The following DSCAM variants were observed in gnomAD, a reference collection of about 807,000 sequenced individuals.
DSCAM encodes the protein cell adhesion molecule DSCAM.
A neutral mutation model predicts 217.7 loss-of-function variants in DSCAM; 47 were observed. That is an observed-to-expected ratio of 0.22 (90% confidence interval 0.17 to 0.28). The LOEUF (loss-of-function observed/expected upper bound fraction) is 0.28. Ranked by LOEUF, DSCAM falls within the 10% of genes least tolerant of loss-of-function variation. The pLI is 1.00. For synonymous variants in DSCAM, 1,056 were observed against 1,015.3 expected (o/e 1.04, Z -0.76); for missense variants, 2,080 against 2,618.3 (o/e 0.79, Z 4.49).
intron 3 of DSCAM, among the ~76,000 whole-genome samples, chr21:40,379,181 G>A (rs989869248): frequency 9.2e-5 from 14 of 152,314 alleles, no homozygotes; most frequent in Admixed American, 8.5e-4. Context: ...GAAATCATGA[G>A]TGGATTAGAG....
intron 11 of DSCAM, among the ~76,000 whole-genome samples, chr21:40,218,601 T>C (rs2091264139): frequency 6.6e-6 from 1 of 152,152 alleles, no homozygotes; most frequent in East Asian, 1.9e-4. Flanking sequence ...TTTAATGATA[T>C]TGATTCTTCC....
At position 40,342,610 on chromosome 21, in the gene DSCAM, A is replaced by ATGTG. The variant is rs58080164; in HGVS notation, c.1211-3199_1211-3196dup. On this transcript the variant is annotated intron_variant, in intron 6 of 32. Transcript: ENST00000400454. ...GAAAAGGTACATATAGTATGTGTATATGTGTGTGTGTGTGTGTATATATAT... is the reference window on the plus strand; with the variant it reads ...GAAAAGGTACATATAGTATGTGTATATGTGTGTGTGTGTGTGTGTGTATATATAT... Among the ~76,000 whole-genome samples, 555 of 116,544 alleles carry ATGTG rather than the reference A, an allele frequency of 4.8e-3. 11 individuals carry two copies. The highest frequency in any genetic ancestry group is 0.016 in the African/African-American group (431 of 27,218). 76.5% of individuals were successfully genotyped at this position (116,544 alleles called of 152,430 possible). A position where few individuals can be genotyped will look rare whatever the true frequency, so the allele number is the denominator to read the frequency against.
chr21:40,173,723 T>G (rs918921198), intron 15 of DSCAM, among the ~76,000 whole-genome samples: 3 of 152,104 alleles, frequency 2.0e-5, no homozygotes, highest in African/African-American at 4.8e-5. Context: ...CATAGGAAAC[T>G]CTTCTTCCAG....
At chr21:40,791,968 A>G (rs1261092839) in intron 1 of DSCAM, among the ~76,000 whole-genome samples, 4 of 151,976 alleles carry the variant, frequency 2.6e-5, no homozygotes, top group Non-Finnish European at 5.9e-5. Context: ...CAGACTCTGG[A>G]TCTTAGCAAC....
At chr21:40,052,917 C>T (rs565311156) in intron 29 of DSCAM, among the ~76,000 whole-genome samples, 22 of 152,306 alleles carry the variant, frequency 1.4e-4, no homozygotes, top group East Asian at 1.4e-3. Flanking sequence ...TCATTACTAC[C>T]TTGTGATATG....
chr21:40,442,923 CATGTGTATGCAT>C, intron 3 of DSCAM, among the ~76,000 whole-genome samples: 1 of 152,140 alleles, frequency 6.6e-6, no homozygotes, highest in South Asian at 2.1e-4. Flanking sequence ...TACATGTGTT[CATGTGTATGCAT>C]GTGTGGATGG....
chr21:40,639,074 C>CCTT (rs780400474), intron 3 of DSCAM, among the ~76,000 whole-genome samples: 4 of 92,788 alleles, frequency 4.3e-5, no homozygotes, highest in Admixed American at 1.4e-4. Flanking sequence ...AAATATCCTG[C>CCTT]ATTTTTTTTT....
At chr21:40,224,003 T>C (rs2091310711) in intron 11 of DSCAM, among the ~76,000 whole-genome samples, 1 of 152,208 alleles carries the variant, frequency 6.6e-6, no homozygotes, top group South Asian at 2.1e-4. Context: ...AAGTGAAGAA[T>C]GAATGAAATC....
At chr21:40,195,796 A>G (rs1410587073) in intron 11 of DSCAM, among the ~76,000 whole-genome samples, 2 of 152,156 alleles carry the variant, frequency 1.3e-5, no homozygotes, top group Non-Finnish European at 2.9e-5. Context: ...TGGGACATAA[A>G]CACATTTTAA....
intron 32 of DSCAM, among the ~76,000 whole-genome samples, chr21:40,036,700 A>T (rs1197332061): frequency 6.8e-6 from 1 of 146,086 alleles, no homozygotes; most frequent in South Asian, 2.2e-4. Flanking sequence ...AAAGCCAGGC[A>T]GAGACACAAC....
At chr21:40,644,964 C>T (rs1284964049) in intron 3 of DSCAM, among the ~76,000 whole-genome samples, 1 of 152,074 alleles carries the variant, frequency 6.6e-6, no homozygotes, top group East Asian at 1.9e-4. Context: ...GCACTCATAC[C>T]CTTCTACCAA....
intron 8 of DSCAM, among the ~76,000 whole-genome samples, chr21:40,320,724 C>G (rs763168068): frequency 4.6e-5 from 7 of 152,160 alleles, no homozygotes; most frequent in Non-Finnish European, 1.0e-4. Context: ...GCGGAAATCC[C>G]TGATAAAACC....
chr21:40,656,893 GTTTTC>G (rs1213656456), intron 3 of DSCAM, among the ~76,000 whole-genome samples: 7 of 152,144 alleles, frequency 4.6e-5, no homozygotes, highest in Non-Finnish European at 8.8e-5. Context: ...AGTTGAGAAT[GTTTTC>G]TTTTCTTCAC....
At position 40,321,204 on chromosome 21, in the gene DSCAM, C is replaced by T. The variant is rs2074255243; in HGVS notation, c.1784-8845G>A. Reference sequence around the variant, plus strand: ...TCTCTCCCTGATGGTCTCAGCACCTCCTTTGCCCCAGCTGTCAGCTCAATG... The same window carrying T: ...TCTCTCCCTGATGGTCTCAGCACCTTCTTTGCCCCAGCTGTCAGCTCAATG... On this transcript the variant is annotated intron_variant, in intron 8 of 32. Transcript: ENST00000400454. 2.0e-5 allele frequency among the ~76,000 whole-genome samples: 3 copies of T among 152,332 alleles called. No individual in the cohort carries two copies. In the South Asian group the frequency reaches 6.2e-4, roughly 32 times the overall value.
intron 3 of DSCAM, among the ~76,000 whole-genome samples, chr21:40,530,489 T>C (rs961860650): frequency 6.6e-6 from 1 of 152,228 alleles, no homozygotes; most frequent in African/African-American, 2.4e-5. Flanking sequence ...CCATTCTGTG[T>C]CATGATAAGA....
intron 3 of DSCAM, among the ~76,000 whole-genome samples, chr21:40,638,519 T>A (rs189475153): frequency 1.4e-4 from 21 of 152,194 alleles, no homozygotes; most frequent in Non-Finnish European, 2.6e-4. Flanking sequence ...ACTCAGAGTT[T>A]ATAAAATTTA....
intron 28 of DSCAM, 151 bp downstream of exon 28, chr21:40,062,718 T>G: frequency 1.6e-6 from 1 of 635,248 alleles, no homozygotes; most frequent in Non-Finnish European, 2.5e-6. Flanking sequence ...TACATGGATA[T>G]TTTGGAATGT....
chr21:40,698,570 C>T (rs2090619554), intron 2 of DSCAM, among the ~76,000 whole-genome samples: 1 of 152,028 alleles, frequency 6.6e-6, no homozygotes, highest in Admixed American at 6.6e-5. Flanking sequence ...CCTGATCTTG[C>T]ATCAAAAGTC....
At position 40,013,223 on chromosome 21, in the gene DSCAM, G is replaced by A. The variant is rs1368364387; in HGVS notation, c.5850C>T (p.Ala1950=). ...PTVLEPIPME[A]ASSASSTREG... ...CTCTCGTGGAGGAGGCGGAGGAGGC[G>A]GCTTCCATCGGGATGGGCTCCAGGA... is the stretch of plus-strand genomic sequence containing the variant. The change falls in exon 33 of 33, where the codon GCC becomes GCT. Residue 1950 remains alanine (A), a synonymous_variant. Coordinates refer to ENST00000400454, the MANE Select transcript of DSCAM (RefSeq NM_001389.5). The A allele has an allele frequency of 6.2e-7, 1 of 1,613,828 alleles. No homozygotes were observed. Among genetic ancestry groups the A allele is most frequent in the Non-Finnish European group, 8.5e-7 (1 of 1,179,912 alleles).
Sources: gnomAD v4.1 joint callset for allele counts (sites outside exome capture counted in the v4.1 genomes callset) on GRCh38, gnomAD v4.1.1 for gene constraint, MANE v1.5 for transcripts, NCBI Gene and HGNC (gene_info 2026-07-23, HGNC 2026-07-21) for gene names.